The following GLCE variants were observed in gnomAD, a reference collection of about 807,000 sequenced individuals.
GLCE encodes D-glucuronyl C5-epimerase.
In GLCE, 19 loss-of-function variants were observed where a neutral mutation model predicts 47.9. That is an observed-to-expected ratio of 0.40 (90% CI 0.28 to 0.58). The LOEUF (loss-of-function observed/expected upper bound fraction) is 0.58, where lower values mean the gene tolerates loss of function less well. Ranked by LOEUF, GLCE falls within the 20% of genes least tolerant of loss-of-function variation. GLCE has a pLI of 0.48. For missense variants in GLCE, 556 were observed against 743.3 expected, an observed-to-expected ratio of 0.75 and a Z score of 2.93; for synonymous variants, 245 against 263.4, an observed-to-expected ratio of 0.93 and a Z score of 0.68.
intron 2 of GLCE, among the ~76,000 whole-genome samples, chr15:69,215,463 A>G (rs998096979): frequency 7.3e-5 from 11 of 151,616 alleles, no homozygotes; most frequent in Admixed American, 2.6e-4. Flanking sequence ...TTGCTTATTC[A>G]TTTATCTGTT....
chr15:69,261,568 T>G (rs540466464), intron 4 of GLCE, among the ~76,000 whole-genome samples: 64 of 152,292 alleles, frequency 4.2e-4, no homozygotes, highest in African/African-American at 1.4e-3. Flanking sequence ...AATGGTAAGG[T>G]CCAGGTTACT....
At chr15:69,234,072 G>A (rs894161875) in intron 2 of GLCE, among the ~76,000 whole-genome samples, 1 of 151,794 alleles carries the variant, frequency 6.6e-6, no homozygotes, top group Non-Finnish European at 1.5e-5. Context: ...CCGCCTCCTG[G>A]GTTCAAGCGA....
At chr15:69,243,600 T>C (rs2052705742) in intron 2 of GLCE, among the ~76,000 whole-genome samples, 1 of 150,614 alleles carries the variant, frequency 6.6e-6, no homozygotes, top group South Asian at 2.1e-4. Flanking sequence ...TTGTGTTGCA[T>C]GACATGAGCA....
chr15:69,171,135 T>C (rs1566945954), intron 1 of GLCE, among the ~76,000 whole-genome samples: 1 of 152,024 alleles, frequency 6.6e-6, no homozygotes, highest in Non-Finnish European at 1.5e-5. Flanking sequence ...AAAAACCAAA[T>C]AAAATTATTC....
At chr15:69,206,304 ATGATG>A (rs2052151404) in intron 1 of GLCE, among the ~76,000 whole-genome samples, 2 of 152,084 alleles carry the variant, frequency 1.3e-5, no homozygotes, top group Non-Finnish European at 2.9e-5. Flanking sequence ...ATCAAAGTGC[ATGATG>A]ACAGCATTAC....
intron 1 of GLCE, among the ~76,000 whole-genome samples, chr15:69,198,136 A>T (rs2052024104): frequency 6.6e-6 from 1 of 152,090 alleles, no homozygotes; most frequent in Non-Finnish European, 1.5e-5. Flanking sequence ...AAAACCCTGC[A>T]TGTGGCATTC....
At chr15:69,214,443 T>G (rs1050016146) in intron 2 of GLCE, among the ~76,000 whole-genome samples, 4 of 152,086 alleles carry the variant, frequency 2.6e-5, no homozygotes, top group African/African-American at 9.7e-5. Flanking sequence ...CCTTACACAC[T>G]TGCCCTCTTG....
intron 2 of GLCE, among the ~76,000 whole-genome samples, chr15:69,216,132 G>A (rs777767360): frequency 7.9e-5 from 12 of 152,166 alleles, no homozygotes; most frequent in East Asian, 5.8e-4. Flanking sequence ...AGATTGCATC[G>A]TAGGAATCTA....
At chr15:69,200,844 A>G (rs1377259290) in intron 1 of GLCE, among the ~76,000 whole-genome samples, 1 of 152,166 alleles carries the variant, frequency 6.6e-6, no homozygotes, top group Non-Finnish European at 1.5e-5. Flanking sequence ...GGGTTAAAAT[A>G]AAAATTTCAG....
intron 1 of GLCE, among the ~76,000 whole-genome samples, chr15:69,188,302 A>G (rs2051859286): frequency 1.3e-5 from 2 of 152,134 alleles, no homozygotes; most frequent in Non-Finnish European, 1.5e-5. Context: ...CTTTTTACAT[A>G]TTGTTGGATT....
rs139547461 is a variant in GLCE, at chr15:69,174,391, C to T, written c.-105+13634C>T. The stretch of plus-strand genomic sequence containing the variant: ...TTGGGAGGCAAAGGTGGGCAGATCA[C>T]CTGAGGTCAGGAGTTTGAGACCAAC... On this transcript the variant is annotated intron_variant, in intron 1 of 4. Transcript: ENST00000261858. Among the ~76,000 whole-genome samples the T allele has an allele frequency of 7.3e-3, 979 of 134,650 alleles. 10 individuals are homozygous for T. The highest frequency in any genetic ancestry group is 0.023 in the African/African-American group (937 of 40,914). 88.3% of individuals were successfully genotyped at this position (134,650 alleles called of 152,430 possible).
At chr15:69,252,742 T>C (rs1188109902) in intron 2 of GLCE, among the ~76,000 whole-genome samples, 4 of 152,276 alleles carry the variant, frequency 2.6e-5, no homozygotes, top group Admixed American at 1.3e-4. Context: ...ATTACTCAGC[T>C]GTTGACATGT....
intron 1 of GLCE, among the ~76,000 whole-genome samples, chr15:69,161,534 C>T (rs1225169361): frequency 1.3e-5 from 2 of 151,850 alleles, no homozygotes; most frequent in Admixed American, 1.3e-4. Flanking sequence ...GGCAGTCTCT[C>T]GGGGTGGGCG....
chr15:69,199,700 C>T (rs1010570544), intron 1 of GLCE, among the ~76,000 whole-genome samples: 7 of 152,212 alleles, frequency 4.6e-5, no homozygotes, highest in Admixed American at 2.0e-4. Context: ...CCTCCTGACT[C>T]CATTCAGTGC....
At chr15:69,168,215 T>C (rs1176523522) in intron 1 of GLCE, among the ~76,000 whole-genome samples, 6 of 152,152 alleles carry the variant, frequency 3.9e-5, no homozygotes, top group Non-Finnish European at 8.8e-5. Context: ...GGAGGATTGC[T>C]TGAGCCTAGG....
chr15:69,168,042 A>G (rs1595731835), intron 1 of GLCE, among the ~76,000 whole-genome samples: 1 of 152,016 alleles, frequency 6.6e-6, no homozygotes, highest in Non-Finnish European at 1.5e-5. Context: ...TCTTCCACAC[A>G]TACTCTTCCT....
At chr15:69,242,749 G>C (rs1321169682) in intron 2 of GLCE, among the ~76,000 whole-genome samples, 1 of 151,934 alleles carries the variant, frequency 6.6e-6, no homozygotes, top group African/African-American at 2.4e-5. Context: ...GGTTGCTGAA[G>C]TTAAGAAAAC....
intron 1 of GLCE, among the ~76,000 whole-genome samples, chr15:69,170,274 TATA>T (rs2051570434): frequency 6.6e-6 from 1 of 152,148 alleles, no homozygotes; most frequent in Non-Finnish European, 1.5e-5. Context: ...TTAAAATATT[TATA>T]ATAAAACAAT....
At chr15:69,208,554 T>C (rs1166080693) in intron 1 of GLCE, among the ~76,000 whole-genome samples, 1 of 152,064 alleles carries the variant, frequency 6.6e-6, no homozygotes, top group African/African-American at 2.4e-5. Flanking sequence ...TAAAATTAGG[T>C]AGTATAATTC....
Sources: gnomAD v4.1 joint callset for allele counts (sites outside exome capture counted in the v4.1 genomes callset) on GRCh38, gnomAD v4.1.1 for gene constraint, MANE v1.5 for transcripts, NCBI Gene and HGNC (gene_info 2026-07-23, HGNC 2026-07-21) for gene names.